Variants in RINT1 observed in about 807,000 individuals in gnomAD.
The protein encoded by RINT1 is RAD50 interactor 1, also known as RAD50-interacting protein 1.
A neutral mutation model predicts 97.7 loss-of-function variants in RINT1; 75 were observed. The observed-to-expected ratio is 0.77, with a 90% confidence interval of 0.64 to 0.93. RINT1 has a LOEUF of 0.93. Ranked by LOEUF, RINT1 falls within the 40% of genes least tolerant of loss-of-function variation. The probability of loss-of-function intolerance (pLI) is 0.00; values close to 1 mark genes in which losing one functional copy is unlikely to be tolerated. For missense variants in RINT1, 892 were observed against 925.2 expected (o/e 0.96, Z 0.47); for synonymous variants, 303 against 326.3 (o/e 0.93, Z 0.77).
At position 105,540,980 on chromosome 7, in the gene RINT1, G is replaced by A. The variant is rs376249647; in HGVS notation, c.274-1428G>A. On this transcript the variant is annotated intron_variant, in intron 3 of 14. Transcript: ENST00000257700. The stretch of plus-strand genomic sequence containing the variant: ...GCCTCCCAAAGTGCTGGGATTACAG[G>A]TATGTGCCACCATGCTCAGCTAATT... 1.5e-4 allele frequency among the ~76,000 whole-genome samples: 23 copies of A among 151,920 alleles called. 1 individual carries two copies. In the South Asian group the frequency reaches 4.2e-3, roughly 27 times the overall value.
intron 11 of RINT1, among the ~76,000 whole-genome samples, chr7:105,560,260 A>G (rs901600795): frequency 3.3e-5 from 5 of 152,198 alleles, no homozygotes; most frequent in Non-Finnish European, 7.3e-5. Flanking sequence ...AACAATTACT[A>G]GTGCAGCCAG....
At chr7:105,536,922 G>C (rs530492690) in intron 3 of RINT1, among the ~76,000 whole-genome samples, 173 bp downstream of exon 3, 1 of 152,034 alleles carries the variant, frequency 6.6e-6, no homozygotes, top group East Asian at 1.9e-4. Context: ...TTACAAATTA[G>C]GTAAAAGACA....
intron 2 of RINT1, among the ~76,000 whole-genome samples, chr7:105,536,358 C>T (rs530663853): frequency 1.3e-5 from 2 of 152,000 alleles, no homozygotes; most frequent in South Asian, 2.1e-4. Flanking sequence ...GGGATTTCGC[C>T]GTGTTTGCCA....
chr7:105,547,773 G>A (rs1035670429), intron 6 of RINT1, among the ~76,000 whole-genome samples: 1 of 133,406 alleles, frequency 7.5e-6, no homozygotes, highest in Admixed American at 8.3e-5. Context: ...AGGCTGGAAT[G>A]AAGTGGCGTG....
rs752801831 is a variant in RINT1, at chr7:105,543,179, C to T, written c.515+530C>T. Reference sequence around the variant, plus strand: ...TGCTGGGATTACAGGCATGAGCTACCGCGTCCGGCCAAACTTTTAAGTCTT... The same window carrying T: ...TGCTGGGATTACAGGCATGAGCTACTGCGTCCGGCCAAACTTTTAAGTCTT... On this transcript the variant is annotated intron_variant, in intron 4 of 14. Transcript: ENST00000257700. 5.9e-5 allele frequency among the ~76,000 whole-genome samples: 9 copies of T among 152,170 alleles called. No homozygotes were observed. In the South Asian group the frequency reaches 6.2e-4, roughly 11 times the overall value.
chr7:105,567,422 G>T lies in RINT1; in HGVS notation c.*111G>T. On this transcript the variant is annotated 3_prime_UTR_variant, in exon 15 of 15. Transcript: ENST00000257700. ...ATTAATGAAACTGGAAAACTTTATA[G>T]AATTACTTATTATCTTGGATTTATG... The T allele has an allele frequency of 1.3e-6, 1 of 782,422 alleles. No homozygotes were observed. The highest frequency in any genetic ancestry group is 2.2e-6 in the Non-Finnish European group (1 of 462,920). 48.5% of individuals were successfully genotyped at this position (782,422 alleles called of 1,614,324 possible). A position where few individuals can be genotyped will look rare whatever the true frequency, so the allele number is the denominator to read the frequency against.
At chr7:105,549,397 G>A (rs1790829112) in intron 7 of RINT1, among the ~76,000 whole-genome samples, 1 of 151,476 alleles carries the variant, frequency 6.6e-6, no homozygotes, top group Non-Finnish European at 1.5e-5. Flanking sequence ...TGCCCAGGCT[G>A]GAGCGCAATG....
intron 3 of RINT1, among the ~76,000 whole-genome samples, chr7:105,540,314 G>A (rs1311710621): frequency 2.6e-5 from 4 of 151,990 alleles, no homozygotes; most frequent in African/African-American, 9.7e-5. Context: ...CCAGGCTGGA[G>A]TGCAGTGGAG....
chr7:105,567,659 TA>T lies in RINT1; in HGVS notation c.*351del. 2 of 520,692 alleles carry T rather than the reference TA, an allele frequency of 3.8e-6. No homozygotes were observed. The highest frequency in any genetic ancestry group is 6.0e-5 in the East Asian group (2 of 33,110). 32.3% of individuals were successfully genotyped at this position (520,692 alleles called of 1,614,324 possible). A position where few individuals can be genotyped will look rare whatever the true frequency, so the allele number is the denominator to read the frequency against. On this transcript the variant is annotated 3_prime_UTR_variant, in exon 15 of 15. Coordinates refer to ENST00000257700, the MANE Select transcript of RINT1 (RefSeq NM_021930.6). Reference sequence around the variant, plus strand: ...GTTGTGGATAATCAAACATAGCCAATAAATTTTTTTAAAACTCCCTTTGAAT... The same window carrying T: ...GTTGTGGATAATCAAACATAGCCAATAATTTTTTTAAAACTCCCTTTGAAT...
At chr7:105,566,151 A>G (rs771003712) in intron 14 of RINT1, among the ~76,000 whole-genome samples, 2 of 151,128 alleles carry the variant, frequency 1.3e-5, no homozygotes. Context: ...GGTGGCGGGC[A>G]CCTGTAGTCC....
intron 11 of RINT1, among the ~76,000 whole-genome samples, chr7:105,562,890 G>A (rs62486998): frequency 0.08 from 12,121 of 152,088 alleles, 524 homozygotes; most frequent in East Asian, 0.12. Flanking sequence ...GTGACAGAGC[G>A]AGATTCCGTC....
At chr7:105,551,788 G>A in intron 10 of RINT1, 81 bp downstream of exon 10, 1 of 1,184,746 alleles carries the variant, frequency 8.4e-7, no homozygotes. Context: ...TCAGTAGGCT[G>A]GGTGCAGTGG....
chr7:105,542,281 G>A (rs1239981849), intron 3 of RINT1, 127 bp from the exon 4 acceptor site: 1 of 685,602 alleles, frequency 1.5e-6, no homozygotes, highest in Non-Finnish European at 2.4e-6. Context: ...GCTGCAGTGA[G>A]CTATGATGGT....
In RINT1 at chr7:105,532,814, C is replaced by A. The variant is rs765493808; in HGVS notation, c.43-10C>A. 6.2e-7 allele frequency: 1 copy of A among 1,609,616 alleles called. No individual in the cohort carries two copies. Among genetic ancestry groups the A allele is most frequent in the South Asian group, 1.1e-5 (1 of 91,066 alleles). Reference sequence around the variant, plus strand: ...TCTTAATGTGCTTGTCACATCTGTTCTTCTTCTAGTGCTGCTCTGAAAGTG... The same window carrying A: ...TCTTAATGTGCTTGTCACATCTGTTATTCTTCTAGTGCTGCTCTGAAAGTG... On this transcript the variant is annotated splice_polypyrimidine_tract_variant and intron_variant, in intron 1 of 14. Coordinates refer to ENST00000257700, the MANE Select transcript of RINT1 (RefSeq NM_021930.6).
intron 2 of RINT1, chr7:105,535,510 G>A (rs1790195983): frequency 6.8e-6 from 3 of 438,822 alleles, no homozygotes; most frequent in South Asian, 5.0e-5. Context: ...TTACAGGCCT[G>A]AGCCACCTCG....
rs780817707 is a variant in RINT1 at position 105,567,262 on chromosome 7, T to C, written c.2330T>C (p.Val777Ala). The C allele has an allele frequency of 8.7e-6, 14 of 1,611,516 alleles. No homozygotes were observed. The change falls in exon 15 of 15, where the codon GTT (valine) becomes GCT (alanine). Residue 777 changes from valine (V) to alanine (A), a missense_variant. Val to Ala is a moderately conservative substitution (Grantham distance 64). Transcript: ENST00000257700. ...VGIYKLAQQDVEILLNLRTNW... is the reference protein window; with the variant it reads ...VGIYKLAQQDAEILLNLRTNW... Reference sequence around the variant, plus strand: ...ATTTACAAACTGGCTCAACAAGATGTTGAGATTCTACTTAATTTGAGGACA... The same window carrying C: ...ATTTACAAACTGGCTCAACAAGATGCTGAGATTCTACTTAATTTGAGGACA...
At chr7:105,561,533 AT>A (rs1246100836) in intron 11 of RINT1, among the ~76,000 whole-genome samples, 1 of 152,174 alleles carries the variant, frequency 6.6e-6, no homozygotes, top group Non-Finnish European at 1.5e-5. Context: ...GTCTCAAAAA[AT>A]AAAAAAAACA....
intron 11 of RINT1, 43 bp downstream of exon 11, chr7:105,555,270 G>A (rs1349290048): frequency 3.4e-6 from 5 of 1,481,644 alleles, no homozygotes; most frequent in Non-Finnish European, 3.7e-6. Context: ...ATACTAGTTC[G>A]AACTATTTTA....
chr7:105,556,096 C>T lies in RINT1; in HGVS notation c.1671+869C>T, dbSNP rs1428109849. 4.8e-5 allele frequency among the ~76,000 whole-genome samples: 7 copies of T among 146,894 alleles called. No individual in the cohort carries two copies. The South Asian group carries it at 1.1e-3, about 22-fold the overall frequency. Reference sequence around the variant, plus strand: ...TTTTTTTTTTTTTGTGACAGAGTTTCGCTCTTGTTGCCCGGGCTGGAGTGC... The same window carrying T: ...TTTTTTTTTTTTTGTGACAGAGTTTTGCTCTTGTTGCCCGGGCTGGAGTGC... On this transcript the variant is annotated intron_variant, in intron 11 of 14. Transcript: ENST00000257700.
Sources: allele counts gnomAD v4.1 joint callset (sites outside exome capture counted in the v4.1 genomes callset), GRCh38; gene constraint gnomAD v4.1.1; transcripts MANE v1.5; gene names NCBI Gene and HGNC (gene_info 2026-07-23, HGNC 2026-07-21).